Variants in MARCO observed in about 807,000 individuals in gnomAD.
MARCO encodes the protein macrophage receptor MARCO.
A neutral mutation model predicts 70.0 loss-of-function variants in MARCO; 72 were observed. The observed-to-expected ratio is 1.03, with a 90% CI of 0.85 to 1.25. MARCO has a LOEUF of 1.25. MARCO is among the 50% of genes most tolerant of loss of function. The pLI is 0.00. For synonymous variants in MARCO, 273 were observed against 243.1 expected (o/e 1.12, Z -1.14); for missense variants, 696 against 659.3 (o/e 1.06, Z -0.61).
chr2:118,948,801 A>T (rs575476127), intron 1 of MARCO, among the ~76,000 whole-genome samples: 3 of 151,786 alleles, frequency 2.0e-5, no homozygotes, highest in South Asian at 2.1e-4. Context: ...AATTGAAGCT[A>T]TGTTTGTTTG....
In MARCO at chr2:118,982,162, C is replaced by T. The variant is rs199883809; in HGVS notation, c.908C>T (p.Pro303Leu). 671 of 1,608,926 alleles carry T rather than the reference C, an allele frequency of 4.2e-4. 7 individuals are homozygous for T. The East Asian group carries it at 0.013, about 30-fold the overall frequency. The change falls in exon 11 of 17, where the codon CCT becomes CTT. Residue 303 changes from proline (P) to leucine (L), a missense_variant. Physicochemically the swap from Pro to Leu is moderately conservative, Grantham distance 98 (BLOSUM62 -3). This residue lies in a region of MARCO where 605 missense variants were observed against 537.6 expected (regional missense o/e 1.13). Coordinates refer to ENST00000327097, the MANE Select transcript of MARCO (RefSeq NM_006770.4). ...GTCACTACTTTCCTTTCAGGACAAC[C>T]TGGACTGCAGGGTGTTCCGGGCCCT... Reference protein sequence around the residue: ...FPGAKGDQGQPGLQGVPGPPG... With the variant: ...FPGAKGDQGQLGLQGVPGPPG...
chr2:118,971,528 G>T lies in MARCO; in HGVS notation c.454G>T (p.Ala152Ser), dbSNP rs535379325. 1.9e-6 allele frequency: 3 copies of T among 1,613,774 alleles called. No individual in the cohort carries two copies. Among genetic ancestry groups the T allele is most frequent in the African/African-American group, 1.3e-5 (1 of 75,038 alleles). The change falls in exon 4 of 17, where the codon GCC becomes TCC. Residue 152 changes from alanine to serine, a missense_variant. By Grantham distance (99) the Ala-to-Ser change is moderately conservative. Coordinates refer to ENST00000327097, the MANE Select transcript of MARCO (RefSeq NM_006770.4). Reference protein sequence around the residue: ...GMFRIKGEQGAPGLQGHKGAM... With the variant: ...GMFRIKGEQGSPGLQGHKGAM... The stretch of plus-strand genomic sequence containing the variant: ...GTTCAGAATCAAAGGTGAACAAGGC[G>T]CCCCAGGTAGGTTCATTTCCACTCA...
At chr2:118,968,000 G>A (rs1680088445) in intron 1 of MARCO, among the ~76,000 whole-genome samples, 1 of 152,176 alleles carries the variant, frequency 6.6e-6, no homozygotes, top group South Asian at 2.1e-4. Context: ...TATGCCTGCT[G>A]TGTCACCTGC....
intron 12 of MARCO, among the ~76,000 whole-genome samples, chr2:118,986,895 T>G (rs541136914): frequency 1.3e-5 from 2 of 152,242 alleles, no homozygotes; most frequent in East Asian, 3.9e-4. Context: ...TACCCCTGAC[T>G]AGCTGAGTGA....
chr2:118,971,331 CA>C (rs1680166679), intron 3 of MARCO, among the ~76,000 whole-genome samples, 167 bp from the exon 4 acceptor site: 2 of 152,234 alleles, frequency 1.3e-5, no homozygotes, highest in East Asian at 3.9e-4. Context: ...GACTCTTTCC[CA>C]AAAAACAGCC....
At chr2:118,958,407 C>CA (rs35333881) in intron 1 of MARCO, among the ~76,000 whole-genome samples, 2,047 of 127,420 alleles carry the variant, frequency 0.016, 19 homozygotes, top group Middle Eastern at 0.036. Flanking sequence ...GCAATAGCTG[C>CA]AAAAAAAAAA....
chr2:118,956,023 C>G (rs1187558142), intron 1 of MARCO, among the ~76,000 whole-genome samples: 1 of 152,098 alleles, frequency 6.6e-6, no homozygotes, highest in Non-Finnish European at 1.5e-5. Flanking sequence ...CTCTTTAAGT[C>G]ATATATCACA....
At chr2:118,984,700 C>T (rs372280942) in intron 12 of MARCO, among the ~76,000 whole-genome samples, 9 of 152,142 alleles carry the variant, frequency 5.9e-5, no homozygotes, top group African/African-American at 1.9e-4. Flanking sequence ...AATAAACTTC[C>T]GGAGAGATTA....
chr2:118,948,606 A>T (rs1427129991), intron 1 of MARCO, among the ~76,000 whole-genome samples: 2 of 152,238 alleles, frequency 1.3e-5, no homozygotes, highest in Non-Finnish European at 2.9e-5. Flanking sequence ...TTCTTCAACA[A>T]GAAGGAAAAC....
At chr2:118,949,949 G>A (rs1679687620) in intron 1 of MARCO, 1 of 152,202 alleles carries the variant, frequency 6.6e-6, no homozygotes, top group Non-Finnish European at 1.5e-5. Context: ...AGAGAAGGTG[G>A]AGGATAAACC....
chr2:118,986,648 AGAAAGAAGGAAG>A (rs1680499596), intron 12 of MARCO, among the ~76,000 whole-genome samples: 3 of 39,310 alleles, frequency 7.6e-5, no homozygotes, highest in African/African-American at 3.6e-4. Context: ...AAAGAAAGAA[AGAAAGAAGGAAG>A]GAAGGAAGGA....
intron 1 of MARCO, among the ~76,000 whole-genome samples, chr2:118,946,284 G>T (rs569645016): frequency 6.6e-6 from 1 of 152,092 alleles, no homozygotes; most frequent in Non-Finnish European, 1.5e-5. Flanking sequence ...TACATATATA[G>T]TTGTACCAAT....
In MARCO at chr2:118,981,650, G is replaced by A; in HGVS notation, c.895G>A (p.Asp299Asn). The stretch of plus-strand genomic sequence containing the variant: ...GGCTGGTTTTCCTGGAGCTAAAGGA[G>A]ATCAAGGTAAGAACTACAGGAATCT... ...GLAGFPGAKG[D>N]QGQPGLQGVP... The change falls in exon 10 of 17, where the codon GAT becomes AAT. Residue 299 changes from aspartate (D) to asparagine (N), a missense_variant. Asp to Asn is a conservative substitution (Grantham distance 23). This residue lies in a region of MARCO where 605 missense variants were observed against 537.6 expected (regional missense o/e 1.13). Transcript: ENST00000327097. The A allele has an allele frequency of 6.2e-7, 1 of 1,613,854 alleles. No individual in the cohort carries two copies. The highest frequency in any genetic ancestry group is 8.5e-7 in the Non-Finnish European group (1 of 1,179,932).
intron 15 of MARCO, 67 bp downstream of exon 15, chr2:118,992,543 T>C: frequency 7.3e-7 from 1 of 1,361,934 alleles, no homozygotes; most frequent in Admixed American, 1.7e-5. Flanking sequence ...AAATTGTGTG[T>C]GTTGGGGGAA....
At chr2:118,992,092 C>A (rs1035776888) in intron 14 of MARCO, among the ~76,000 whole-genome samples, 2 of 152,310 alleles carry the variant, frequency 1.3e-5, no homozygotes, top group East Asian at 3.9e-4. Flanking sequence ...GCATCCAAGG[C>A]AGGGGCGTGA....
intron 1 of MARCO, among the ~76,000 whole-genome samples, chr2:118,952,092 C>T (rs1199299838): frequency 6.7e-6 from 1 of 148,950 alleles, no homozygotes; most frequent in Non-Finnish European, 1.5e-5. Flanking sequence ...TCTTTCTTAC[C>T]CCTTTCTTAC....
At chr2:118,942,460 C>G in intron 1 of MARCO, 63 bp downstream of exon 1, 1 of 1,278,122 alleles carries the variant, frequency 7.8e-7, no homozygotes, top group South Asian at 1.2e-5. Flanking sequence ...TAGCGAGATA[C>G]GAAAATAGAC....
At chr2:118,970,793 C>T (rs912028689) in intron 3 of MARCO, among the ~76,000 whole-genome samples, 2 of 152,186 alleles carry the variant, frequency 1.3e-5, no homozygotes, top group Admixed American at 1.3e-4. Context: ...GCAGCTGCAC[C>T]CTCTCCTCTC....
In MARCO at chr2:118,985,013, T is replaced by C. The variant is rs558489946; in HGVS notation, c.1063+2603T>C. Among the ~76,000 whole-genome samples the C allele has an allele frequency of 2.3e-4, 35 of 152,284 alleles. 1 individual carries two copies. The highest frequency in any genetic ancestry group is 1.0e-3 in the Admixed American group (16 of 15,306). On this transcript the variant is annotated intron_variant, in intron 12 of 16. Transcript: ENST00000327097. ...ACAGCTAGGTTTCATTACTGCGCAT[T>C]AATTATTTTAAAAACATGAGCGGTC...
Sources: gnomAD v4.1 joint callset for allele counts (sites outside exome capture counted in the v4.1 genomes callset) on GRCh38, gnomAD v4.1.1 for gene constraint, gnomAD v4.1.1 regional missense constraint, MANE v1.5 for transcripts, NCBI Gene and HGNC (gene_info 2026-07-23, HGNC 2026-07-21) for gene names.